Variants in DLGAP2 observed in about 807,000 individuals in gnomAD.
DLGAP2 encodes disks large-associated protein 2.
In DLGAP2, 26 loss-of-function variants were observed where a neutral mutation model predicts 100.3. That is an observed-to-expected ratio of 0.26 (90% CI 0.19 to 0.36). The LOEUF is 0.36. Ranked by LOEUF, DLGAP2 falls within the 10% of genes least tolerant of loss-of-function variation. The pLI is 1.00. For synonymous variants in DLGAP2, 886 were observed against 630.1 expected, an observed-to-expected ratio of 1.41 and a Z score of -6.08; for missense variants, 1,858 against 1,453.2, an observed-to-expected ratio of 1.28 and a Z score of -4.53.
chr8:1,491,201 T>A (rs1799374447), intron 3 of DLGAP2, among the ~76,000 whole-genome samples: 1 of 151,682 alleles, frequency 6.6e-6, no homozygotes, highest in African/African-American at 2.4e-5. Flanking sequence ...GCATGAAATA[T>A]GTGACAAAAA....
At chr8:999,706 C>T (rs1800888320) in intron 2 of DLGAP2, among the ~76,000 whole-genome samples, 1 of 152,126 alleles carries the variant, frequency 6.6e-6, no homozygotes, top group Non-Finnish European at 1.5e-5. Flanking sequence ...GTCTCAATCT[C>T]TTGACCTCGT....
chr8:1,048,701 G>T (rs568411106), intron 2 of DLGAP2, among the ~76,000 whole-genome samples: 1 of 151,972 alleles, frequency 6.6e-6, no homozygotes, highest in Non-Finnish European at 1.5e-5. Context: ...GATGCCGCCC[G>T]AGGCCCTAGA....
intron 1 of DLGAP2, among the ~76,000 whole-genome samples, chr8:844,260 T>C (rs926859787): frequency 8.5e-5 from 13 of 152,220 alleles, no homozygotes; most frequent in African/African-American, 1.2e-4. Flanking sequence ...TATACATTGA[T>C]TTACTTTTTT....
chr8:1,293,849 T>C (rs1187610150), intron 3 of DLGAP2, among the ~76,000 whole-genome samples: 1 of 152,238 alleles, frequency 6.6e-6, no homozygotes, highest in Admixed American at 6.5e-5. Flanking sequence ...GTTATTCTTA[T>C]TGAGCAATAT....
intron 2 of DLGAP2, among the ~76,000 whole-genome samples, chr8:1,206,662 G>A (rs945915616): frequency 1.3e-5 from 2 of 152,238 alleles, no homozygotes; most frequent in Non-Finnish European, 2.9e-5. Flanking sequence ...GTGGACTGGG[G>A]TAGACTGTGA....
At chr8:1,063,962 G>C (rs963051543) in intron 2 of DLGAP2, among the ~76,000 whole-genome samples, 1 of 152,134 alleles carries the variant, frequency 6.6e-6, no homozygotes. Context: ...CCGCAGCCAG[G>C]GTCGTCTGCC....
At chr8:1,101,515 G>T (rs890957567) in intron 2 of DLGAP2, among the ~76,000 whole-genome samples, 1 of 152,156 alleles carries the variant, frequency 6.6e-6, no homozygotes, top group African/African-American at 2.4e-5. Context: ...GCAGACGGGG[G>T]TGCCGGGGCT....
chr8:1,447,209 G>T (rs1480846962), intron 3 of DLGAP2, among the ~76,000 whole-genome samples: 3 of 152,198 alleles, frequency 2.0e-5, no homozygotes, highest in Admixed American at 6.5e-5. Flanking sequence ...TGCCCATTCA[G>T]TATAATATTG....
Position 1,623,485 on chromosome 8 carries a change from C to T in DLGAP2, c.1443-3255C>T, listed in dbSNP as rs572669832. 2.5e-3 allele frequency among the ~76,000 whole-genome samples: 362 copies of T among 147,718 alleles called. 1 individual carries two copies. Among genetic ancestry groups the T allele is most frequent in the Non-Finnish European group, 3.7e-3 (246 of 67,024 alleles). ...CGCGCAATGACCTGACACCAGTGCA[C>T]GATGACCTGGCACCAGTGCGTGATG... On this transcript the variant is annotated intron_variant, in intron 6 of 14. Coordinates refer to ENST00000637795, the MANE Select transcript of DLGAP2 (RefSeq NM_001346810.2).
intron 1 of DLGAP2, among the ~76,000 whole-genome samples, chr8:778,107 C>T (rs945945805): frequency 3.5e-4 from 54 of 152,210 alleles, no homozygotes; most frequent in Admixed American, 6.5e-4. Context: ...CATCTTCCAC[C>T]GCTGATACCC....
At chr8:1,536,573 C>T (rs535807399) in intron 4 of DLGAP2, among the ~76,000 whole-genome samples, 4 of 152,224 alleles carry the variant, frequency 2.6e-5, no homozygotes, top group Admixed American at 1.3e-4. Context: ...TGTGCTTCTG[C>T]GAAAGTGTAG....
Position 1,556,065 on chromosome 8 carries a change from G to C in DLGAP2, c.1230+6382G>C, listed in dbSNP as rs537100815. Among the ~76,000 whole-genome samples the C allele has an allele frequency of 8.5e-5, 13 of 152,362 alleles. No homozygotes were observed. In the South Asian group the frequency reaches 2.7e-3, roughly 32 times the overall value. The stretch of plus-strand genomic sequence containing the variant: ...GTAACTCAAGATGGTCGTGGATGCA[G>C]AGACCTCATGGTGACTGGGTGCAGA... On this transcript the variant is annotated intron_variant, in intron 5 of 14. Coordinates refer to ENST00000637795, the MANE Select transcript of DLGAP2 (RefSeq NM_001346810.2).
At position 986,162 on chromosome 8, in the gene DLGAP2, G is replaced by T. The variant is rs566078131; in HGVS notation, c.73+78196G>T. Among the ~76,000 whole-genome samples the T allele has an allele frequency of 4.6e-5, 7 of 152,222 alleles. No homozygotes were observed. In the East Asian group the frequency reaches 1.2e-3, roughly 25 times the overall value. On this transcript the variant is annotated intron_variant, in intron 2 of 14. Coordinates refer to ENST00000637795, the MANE Select transcript of DLGAP2 (RefSeq NM_001346810.2). ...CATAGCTCACTTATTAGTAGGGAGT[G>T]TGACTGGTTGGGAAGAGGCTTCCGG...
At chr8:1,182,508 C>T (rs1426571538) in intron 2 of DLGAP2, among the ~76,000 whole-genome samples, 3 of 152,170 alleles carry the variant, frequency 2.0e-5, no homozygotes, top group African/African-American at 4.8e-5. Flanking sequence ...AGGAAATGAG[C>T]GTGCATTTAA....
At chr8:1,629,714 C>G (rs1337242352) in intron 7 of DLGAP2, among the ~76,000 whole-genome samples, 1 of 152,210 alleles carries the variant, frequency 6.6e-6, no homozygotes. Flanking sequence ...TGTAACCCAA[C>G]AAAAGGTTTA....
chr8:1,185,727 TCACACTCACACACACACACTCA>T (rs1797486940), intron 2 of DLGAP2, among the ~76,000 whole-genome samples: 1 of 43,714 alleles, frequency 2.3e-5, no homozygotes, highest in African/African-American at 1.2e-4. Context: ...ACACACACAC[TCACACTCACACACACACACTCA>T]CACACATTCA....
At chr8:1,223,368 C>T (rs929303935) in intron 2 of DLGAP2, among the ~76,000 whole-genome samples, 1 of 152,184 alleles carries the variant, frequency 6.6e-6, no homozygotes, top group African/African-American at 2.4e-5. Context: ...AGCCAGCCAT[C>T]TTGGCTCTTC....
chr8:996,335 G>A lies in DLGAP2; in HGVS notation c.73+88369G>A, dbSNP rs377202776. Among the ~76,000 whole-genome samples, 12 of 152,154 alleles carry A rather than the reference G, an allele frequency of 7.9e-5. No individual in the cohort carries two copies. The East Asian group carries it at 2.1e-3, about 27-fold the overall frequency. On this transcript the variant is annotated intron_variant, in intron 2 of 14. Coordinates refer to ENST00000637795, the MANE Select transcript of DLGAP2 (RefSeq NM_001346810.2). ...TTTAGAGACTACAGAGCTCTTCTCCGAGGGCCCCAGTGTCACCATGGGAAC... is the reference window on the plus strand; with the variant it reads ...TTTAGAGACTACAGAGCTCTTCTCCAAGGGCCCCAGTGTCACCATGGGAAC...
intron 3 of DLGAP2, among the ~76,000 whole-genome samples, chr8:1,344,455 C>T (rs1419960327): frequency 3.3e-5 from 5 of 152,206 alleles, no homozygotes. Context: ...AAAGTCGGGA[C>T]TCAGACTCAC....
Sources: gnomAD v4.1 joint callset for allele counts (sites outside exome capture counted in the v4.1 genomes callset) on GRCh38, gnomAD v4.1.1 for gene constraint, MANE v1.5 for transcripts, NCBI Gene and HGNC (gene_info 2026-07-23, HGNC 2026-07-21) for gene names.